Variants in LRRFIP1 observed in about 807,000 individuals in gnomAD.
LRRFIP1 encodes LRR binding FLII interacting protein 1, also known as leucine-rich repeat flightless-interacting protein 1.
A neutral mutation model predicts 104.4 loss-of-function variants in LRRFIP1; 62 were observed. The ratio of observed to expected loss-of-function variants is 0.59; its 90% CI spans 0.48 to 0.73. The LOEUF (loss-of-function observed/expected upper bound fraction) is 0.73. Ranked by LOEUF, LRRFIP1 falls within the 30% of genes least tolerant of loss-of-function variation. LRRFIP1 has a pLI of 0.00. For synonymous variants in LRRFIP1, 300 were observed against 299.0 expected (o/e 1.00, Z -0.03); for missense variants, 796 against 824.5 (o/e 0.97, Z 0.42).
At chr2:237,628,061 G>A (rs2081844200) in intron 1 of LRRFIP1, among the ~76,000 whole-genome samples, 1 of 152,002 alleles carries the variant, frequency 6.6e-6, no homozygotes, top group South Asian at 2.1e-4. Context: ...CAGCGCGCGA[G>A]GTGGCCCGGG....
chr2:237,753,208 T>C, intron 14 of LRRFIP1, 101 bp from the exon 15 acceptor site: 1 of 814,960 alleles, frequency 1.2e-6, no homozygotes, highest in Non-Finnish European at 1.9e-6. Context: ...AGAAATATAG[T>C]CTAAGTTTAG....
intron 3 of LRRFIP1, among the ~76,000 whole-genome samples, chr2:237,715,132 G>A (rs1559644385): frequency 6.6e-6 from 1 of 152,220 alleles, no homozygotes; most frequent in South Asian, 2.1e-4. Flanking sequence ...AAATTTAAGA[G>A]CCTGTTGTGT....
At chr2:237,762,937 C>T in intron 19 of LRRFIP1, 1 of 1,614,192 alleles carries the variant, frequency 6.2e-7, no homozygotes, top group Non-Finnish European at 8.5e-7. Context: ...TTGAGCCATC[C>T]AACTGTTGGA....
chr2:237,727,823 G>T, intron 7 of LRRFIP1, 53 bp from the exon 8 acceptor site: 1 of 1,368,482 alleles, frequency 7.3e-7, no homozygotes. Flanking sequence ...ATTTGTACCT[G>T]TGAATTCATT....
intron 19 of LRRFIP1, among the ~76,000 whole-genome samples, chr2:237,767,341 C>T (rs955668969): frequency 1.3e-5 from 2 of 152,138 alleles, no homozygotes; most frequent in African/African-American, 4.8e-5. Context: ...GAACCTAGAC[C>T]ACTGGGGTTT....
chr2:237,763,072 T>C (rs200306439), intron 19 of LRRFIP1: 2 of 1,614,204 alleles, frequency 1.2e-6, no homozygotes, highest in African/African-American at 1.3e-5. Context: ...TTTATCATGA[T>C]GACAAATGTA....
rs373740874 is a variant in LRRFIP1, at chr2:237,720,781, G to A, written c.304G>A (p.Glu102Lys). 1.7e-5 allele frequency: 28 copies of A among 1,613,920 alleles called. No individual in the cohort carries two copies. The highest frequency in any genetic ancestry group is 2.1e-5 in the Non-Finnish European group (25 of 1,179,908). ...RSRRNTSASD[E>K]DERMSVGSRG... ...TCCTTTCTTTTAATAGGCTTCTGAT[G>A]AAGACGAGCGCATGTCAGTGGGTAG... The change falls in exon 6 of 24, where the codon GAA becomes AAA. Residue 102 changes from glutamate to lysine, a missense_variant. Transcript: ENST00000308482.
In LRRFIP1 at chr2:237,735,220, C is replaced by G. The variant is rs1247863615; in HGVS notation, c.490-48C>G. 3 of 1,541,590 alleles carry G rather than the reference C, an allele frequency of 1.9e-6. No homozygotes were observed. In the East Asian group the frequency reaches 6.8e-5, roughly 35 times the overall value. Reference sequence around the variant, plus strand: ...ACGTTTTCAGCACTTTCTGGGCACTCTTGGAGAAAGGAAGAGCGCCCATCC... The same window carrying G: ...ACGTTTTCAGCACTTTCTGGGCACTGTTGGAGAAAGGAAGAGCGCCCATCC... On this transcript the variant is annotated intron_variant, in intron 9 of 23. Transcript: ENST00000308482. This position sits in a 1 kb window ranked among gnomAD's most constrained non-coding sequence, Gnocchi z 4.6.
At chr2:237,777,803 C>G (rs1402888599) in intron 23 of LRRFIP1, among the ~76,000 whole-genome samples, 2 of 152,200 alleles carry the variant, frequency 1.3e-5, no homozygotes, top group African/African-American at 2.4e-5. Flanking sequence ...ACTTTCCCCT[C>G]TGGAACTCTA....
intron 11 of LRRFIP1, among the ~76,000 whole-genome samples, chr2:237,740,339 C>T (rs2095378405): frequency 6.6e-6 from 1 of 152,046 alleles, no homozygotes; most frequent in African/African-American, 2.4e-5. Flanking sequence ...TTGCTTGAGC[C>T]CAGGAGTTCG....
At chr2:237,694,644 A>G (rs1297618128) in intron 1 of LRRFIP1, among the ~76,000 whole-genome samples, 1 of 152,224 alleles carries the variant, frequency 6.6e-6, no homozygotes, top group Non-Finnish European at 1.5e-5. Context: ...GGCCGCACCC[A>G]TGCAGAGGAG....
intron 1 of LRRFIP1, among the ~76,000 whole-genome samples, chr2:237,671,512 GTGAGCCTTT>G (rs1421202831): frequency 5.9e-5 from 9 of 152,184 alleles, no homozygotes; most frequent in South Asian, 2.1e-4. Flanking sequence ...TTCATGTCAT[GTGAGCCTTT>G]TGTCTTCCAG....
At chr2:237,654,585 CTG>C (rs2086482341) in intron 1 of LRRFIP1, among the ~76,000 whole-genome samples, 1 of 150,890 alleles carries the variant, frequency 6.6e-6, no homozygotes, top group African/African-American at 2.4e-5. Flanking sequence ...GAATCTCACT[CTG>C]TCACTCAGGC....
chr2:237,753,068 G>T (rs3739050), intron 14 of LRRFIP1, among the ~76,000 whole-genome samples: 33,487 of 152,128 alleles, frequency 0.22, 4,210 homozygotes, highest in East Asian at 0.47. Context: ...TATCTCGTTT[G>T]TTCTAATGAG....
chr2:237,744,300 G>A (rs538938138), intron 11 of LRRFIP1, among the ~76,000 whole-genome samples: 12 of 152,210 alleles, frequency 7.9e-5, no homozygotes, highest in Non-Finnish European at 1.3e-4. Context: ...ACCTCGCAAG[G>A]ATGTTGCTTC....
chr2:237,705,121 A>G (rs1035431154), intron 1 of LRRFIP1, among the ~76,000 whole-genome samples: 91 of 151,962 alleles, frequency 6.0e-4, no homozygotes, highest in African/African-American at 2.1e-3. Context: ...CTCTGCAAGG[A>G]CCTTTGGCCA....
rs981946301 is a variant in LRRFIP1, at chr2:237,766,252, A to G, written c.1460-3691A>G. ...CAGTGTTTTGAAGAGCAGGATGAAA[A>G]CGGCAAAAACCTTGACTGTTTCTGC... On this transcript the variant is annotated intron_variant, in intron 19 of 23. Transcript: ENST00000308482. This position sits in a 1 kb window ranked among gnomAD's most constrained non-coding sequence, Gnocchi z 4.8. Among the ~76,000 whole-genome samples the G allele has an allele frequency of 6.6e-6, 1 of 152,166 alleles. No homozygotes were observed. Among genetic ancestry groups the G allele is most frequent in the African/African-American group, 2.4e-5 (1 of 41,442 alleles).
chr2:237,692,283 C>T (rs1454596847), intron 1 of LRRFIP1: 1 of 1,179,442 alleles, frequency 8.5e-7, no homozygotes, highest in East Asian at 3.9e-5. Flanking sequence ...CCCAGCGCCG[C>T]GAGCCGCTCC....
rs138141222 is a variant in LRRFIP1 at position 237,758,223 on chromosome 2, A to AGTGTGTGTGTGTGT, written c.1225-497_1225-484dup. Reference sequence around the variant, plus strand: ...ACTGTCACGCTCATCAGCACTTAGGAGTGTGTGTGTGTGTGTGTGTGTCTG... The same window carrying AGTGTGTGTGTGTGT: ...ACTGTCACGCTCATCAGCACTTAGGAGTGTGTGTGTGTGTGTGTGTGTGTGTGTGTGTGTGTCTG... On this transcript the variant is annotated intron_variant, in intron 17 of 23. Transcript: ENST00000308482. Among the ~76,000 whole-genome samples, 757 of 149,716 alleles carry AGTGTGTGTGTGTGT rather than the reference A, an allele frequency of 5.1e-3. 2 individuals carry two copies. Among genetic ancestry groups the AGTGTGTGTGTGTGT allele is most frequent in the South Asian group, 0.012 (55 of 4,704 alleles).
Sources: allele counts gnomAD v4.1 joint callset (sites outside exome capture counted in the v4.1 genomes callset), GRCh38; gene constraint gnomAD v4.1.1; non-coding constraint Gnocchi (gnomAD v3.1); transcripts MANE v1.5; gene names NCBI Gene and HGNC (gene_info 2026-07-23, HGNC 2026-07-21).